CDKL1: variants seen among roughly 807,000 people sequenced by gnomAD.
CDKL1 encodes the protein cyclin dependent kinase like 1, also known as cyclin-dependent kinase-like 1.
A neutral mutation model predicts 42.0 loss-of-function variants in CDKL1; 41 were observed. That is an observed-to-expected ratio of 0.98 (90% CI 0.76 to 1.27). CDKL1 has a LOEUF of 1.27. Ranked by LOEUF, CDKL1 falls within the 50% of genes most tolerant of loss-of-function variation. The pLI is 0.00. For synonymous variants in CDKL1, 153 were observed against 158.6 expected, an observed-to-expected ratio of 0.96 and a Z score of 0.26; for missense variants, 394 against 428.4, an observed-to-expected ratio of 0.92 and a Z score of 0.71.
chr14:50,369,608 GCACACACACA>G (rs34614605), intron 2 of CDKL1, among the ~76,000 whole-genome samples: 9 of 143,972 alleles, frequency 6.3e-5, no homozygotes, highest in Non-Finnish European at 9.1e-5. Flanking sequence ...ATACACACAT[GCACACACACA>G]CACACACACA....
At chr14:50,354,474 T>C (rs150924212) in intron 3 of CDKL1, among the ~76,000 whole-genome samples, 155 of 152,352 alleles carry the variant, frequency 1.0e-3, no homozygotes, top group Middle Eastern at 3.4e-3. Context: ...TGAAGTCTTA[T>C]GTCTGGCTGA....
chr14:50,361,271 G>T (rs2034238368), intron 2 of CDKL1, among the ~76,000 whole-genome samples: 1 of 152,152 alleles, frequency 6.6e-6, no homozygotes, highest in Non-Finnish European at 1.5e-5. Context: ...AAAGAAGAAA[G>T]TTCTTTTTTC....
intron 2 of CDKL1, chr14:50,362,255 G>C (rs368345512): frequency 5.4e-6 from 2 of 371,060 alleles, no homozygotes; most frequent in Non-Finnish European, 1.1e-5. Context: ...CGGTCCCATC[G>C]ACCACCCAAG....
intron 7 of CDKL1, among the ~76,000 whole-genome samples, chr14:50,337,695 T>G (rs1297147457): frequency 2.0e-5 from 3 of 150,736 alleles, no homozygotes; most frequent in Admixed American, 1.3e-4. Flanking sequence ...TTTTTTTTTT[T>G]TGGTTCGGAG....
In CDKL1 at chr14:50,332,019, C is replaced by T. The variant is rs761106049; in HGVS notation, c.966+243G>A. 14 of 1,536,078 alleles carry T rather than the reference C, an allele frequency of 9.1e-6. No homozygotes were observed. The South Asian group carries it at 1.3e-4, about 14-fold the overall frequency. On this transcript the variant is annotated intron_variant, in intron 9 of 9. Coordinates refer to ENST00000395834, the MANE Select transcript of CDKL1 (RefSeq NM_004196.7). Reference sequence around the variant, plus strand: ...TACCTTGTTGAGACCTGTGCTCATGCAGGCTGGAAACCCTGGCCCCTGTGT... The same window carrying T: ...TACCTTGTTGAGACCTGTGCTCATGTAGGCTGGAAACCCTGGCCCCTGTGT...
chr14:50,374,624 A>G (rs1220192822), intron 2 of CDKL1, among the ~76,000 whole-genome samples: 1 of 152,244 alleles, frequency 6.6e-6, no homozygotes, highest in Admixed American at 6.5e-5. Flanking sequence ...ATTTGTCTAC[A>G]GATTATAGTT....
chr14:50,390,756 T>A (rs1265922156), intron 2 of CDKL1, among the ~76,000 whole-genome samples: 1 of 152,240 alleles, frequency 6.6e-6, no homozygotes, highest in African/African-American at 2.4e-5. Context: ...TTCAAGTGCA[T>A]CCAACTGCTT....
chr14:50,377,522 A>G, intron 2 of CDKL1: 2 of 1,147,846 alleles, frequency 1.7e-6, no homozygotes, highest in Non-Finnish European at 2.2e-6. Context: ...GGAGGTGCAC[A>G]GTCTAAGACC....
chr14:50,343,154 A>AATTTTTTT, intron 4 of CDKL1: 1 of 265,296 alleles, frequency 3.8e-6, no homozygotes, highest in Non-Finnish European at 5.7e-6. Flanking sequence ...ATTAAGAGTT[A>AATTTTTTT]CTTTTTTTTT....
At chr14:50,395,345 C>T (rs2035367474) in intron 2 of CDKL1, among the ~76,000 whole-genome samples, 1 of 152,224 alleles carries the variant, frequency 6.6e-6, no homozygotes, top group South Asian at 2.1e-4. Context: ...GCACTTTTGT[C>T]TCTGCTTTCT....
At chr14:50,340,289 C>T (rs192337482) in intron 6 of CDKL1, among the ~76,000 whole-genome samples, 2 of 152,300 alleles carry the variant, frequency 1.3e-5, no homozygotes, top group Admixed American at 1.3e-4. Flanking sequence ...GTCTCACCAT[C>T]AGGAAGTTTA....
At chr14:50,349,608 T>G (rs1422021826) in intron 3 of CDKL1, among the ~76,000 whole-genome samples, 1 of 152,210 alleles carries the variant, frequency 6.6e-6, no homozygotes, top group African/African-American at 2.4e-5. Flanking sequence ...CGCCATGCCC[T>G]CTGCCTCATG....
chr14:50,389,421 T>C lies in CDKL1; in HGVS notation c.168+6280A>G, dbSNP rs566062568. ...CAATGAAATTTTAATATCACAAATA[T>C]ACTATATATCTGTATATGAACCATA... On this transcript the variant is annotated intron_variant, in intron 2 of 9. Coordinates refer to ENST00000395834, the MANE Select transcript of CDKL1 (RefSeq NM_004196.7). Among the ~76,000 whole-genome samples the C allele has an allele frequency of 2.0e-5, 3 of 152,292 alleles. No homozygotes were observed. In the East Asian group the frequency reaches 5.8e-4, roughly 29 times the overall value.
At chr14:50,350,377 TCTCATTCTTTACTCCCTTTAATAG>T (rs2033865802) in intron 3 of CDKL1, among the ~76,000 whole-genome samples, 1 of 152,188 alleles carries the variant, frequency 6.6e-6, no homozygotes, top group South Asian at 2.1e-4. Context: ...CTCAATTCCT[TCTCATTCTTTACTCCCTTTAATAG>T]CTCTTCTAGC....
chr14:50,345,099 G>A (rs2139410015), intron 3 of CDKL1, 41 bp from the exon 4 acceptor site: 9 of 1,573,604 alleles, frequency 5.7e-6, no homozygotes, highest in Non-Finnish European at 7.8e-6. Flanking sequence ...CTTTAGTGTA[G>A]CCATGGAATT....
At chr14:50,374,185 T>C (rs1478150003) in intron 2 of CDKL1, among the ~76,000 whole-genome samples, 1 of 152,238 alleles carries the variant, frequency 6.6e-6, no homozygotes, top group East Asian at 1.9e-4. Context: ...CTACATATTG[T>C]ACTATTCCAA....
Position 50,334,554 on chromosome 14 carries a change from A to G in CDKL1, c.795+11T>C. The G allele has an allele frequency of 1.3e-6, 2 of 1,542,174 alleles. No homozygotes were observed. Among genetic ancestry groups the G allele is most frequent in the South Asian group, 1.1e-5 (1 of 89,532 alleles). On this transcript the variant is annotated intron_variant, in intron 8 of 9. Transcript: ENST00000395834. ...TGTGCTTCCTGGTCTGTTGGAAGCC[A>G]TGATTTTTACCTTTAGGAGCCCCAG...
chr14:50,381,043 T>A (rs11570790), intron 2 of CDKL1, among the ~76,000 whole-genome samples: 3,154 of 152,264 alleles, frequency 0.021, 104 homozygotes, highest in African/African-American at 0.07. Context: ...CTGGTGGGTG[T>A]CTTTGGATTT....
chr14:50,335,526 C>G (rs11570853), intron 7 of CDKL1: 1 of 1,535,850 alleles, frequency 6.5e-7, no homozygotes, highest in Non-Finnish European at 8.7e-7. Context: ...GGCGATTTTG[C>G]GCCAGTCACG....
Sources: gnomAD v4.1 joint callset for allele counts (sites outside exome capture counted in the v4.1 genomes callset) on GRCh38, gnomAD v4.1.1 for gene constraint, MANE v1.5 for transcripts, NCBI Gene and HGNC (gene_info 2026-07-23, HGNC 2026-07-21) for gene names.